The following POFUT3 variants were observed in gnomAD, a reference collection of about 807,000 sequenced individuals.
The protein encoded by POFUT3 is GDP-fucose protein O-fucosyltransferase 3.
chr8:33,401,583 C>T, the POFUT3 span, among the ~76,000 whole-genome samples: 2 of 152,126 alleles, frequency 1.3e-5, no homozygotes, highest in African/African-American at 2.4e-5. Flanking sequence ...CTGGTATTAT[C>T]CATGTAACTA....
the POFUT3 span, among the ~76,000 whole-genome samples, chr8:33,374,959 C>A: frequency 1.3e-5 from 2 of 151,718 alleles, no homozygotes; most frequent in South Asian, 4.2e-4. Flanking sequence ...CTGCAACCTG[C>A]AACCTCCACC....
At chr8:33,444,354 G>A in the POFUT3 span, among the ~76,000 whole-genome samples, 5 of 152,026 alleles carry the variant, frequency 3.3e-5, no homozygotes, top group Admixed American at 6.6e-5. Flanking sequence ...TGAGGGCTGC[G>A]AGCAGAGCAG....
the POFUT3 span, among the ~76,000 whole-genome samples, chr8:33,341,054 C>A: frequency 1.9e-4 from 29 of 152,038 alleles, no homozygotes; most frequent in Admixed American, 1.8e-3. Flanking sequence ...ATAAAACAAA[C>A]CTAAAAATTT....
the POFUT3 span, among the ~76,000 whole-genome samples, chr8:33,344,251 G>C: frequency 2.6e-5 from 4 of 152,120 alleles, no homozygotes; most frequent in African/African-American, 9.7e-5. Context: ...TTAAAAGAGG[G>C]AAAGAAGCCA....
At chr8:33,380,800 G>A in the POFUT3 span, among the ~76,000 whole-genome samples, 2 of 148,188 alleles carry the variant, frequency 1.3e-5, no homozygotes, top group Non-Finnish European at 3.0e-5. Context: ...TTGCACCACT[G>A]CACTCCAGCC....
the POFUT3 span, among the ~76,000 whole-genome samples, chr8:33,368,815 G>A: frequency 6.6e-6 from 1 of 152,186 alleles, no homozygotes; most frequent in South Asian, 2.1e-4. Context: ...GGCTGTTTGA[G>A]TCTGATTATC....
chr8:33,400,407 C>A, the POFUT3 span, among the ~76,000 whole-genome samples: 1 of 151,882 alleles, frequency 6.6e-6, no homozygotes, highest in Non-Finnish European at 1.5e-5. Context: ...GAGGCAAGAT[C>A]GCTCCACTGC....
the POFUT3 span, among the ~76,000 whole-genome samples, chr8:33,342,230 A>C: frequency 6.6e-6 from 1 of 151,106 alleles, no homozygotes; most frequent in African/African-American, 2.4e-5. Context: ...GATGGCTCAC[A>C]CCTGTGGGCT....
chr8:33,403,240 T>C, the POFUT3 span, among the ~76,000 whole-genome samples: 2 of 151,502 alleles, frequency 1.3e-5, no homozygotes, highest in Middle Eastern at 3.2e-3. Context: ...AGGATTTTTT[T>C]CCATATGTGT....
At chr8:33,367,910 C>G in the POFUT3 span, among the ~76,000 whole-genome samples, 5 of 151,976 alleles carry the variant, frequency 3.3e-5, no homozygotes, top group Admixed American at 3.3e-4. Flanking sequence ...AATTTAGAAG[C>G]TTAAATTTTC....
the POFUT3 span, among the ~76,000 whole-genome samples, chr8:33,467,596 C>CGGCT: frequency 6.6e-6 from 1 of 152,268 alleles, no homozygotes; most frequent in South Asian, 2.1e-4. Flanking sequence ...GTGCATTGCA[C>CGGCT]GGCTGGCATG....
the POFUT3 span, among the ~76,000 whole-genome samples, chr8:33,430,409 A>G: frequency 3.3e-5 from 5 of 152,150 alleles, no homozygotes; most frequent in African/African-American, 1.2e-4. Flanking sequence ...GCTTCAAACT[A>G]TGGGACAATT....
chr8:33,431,583 A>AAAAAAAAAAAAAC, the POFUT3 span, among the ~76,000 whole-genome samples: 1 of 131,724 alleles, frequency 7.6e-6, no homozygotes, highest in Non-Finnish European at 1.6e-5. Context: ...AAAAAAAAAA[A>AAAAAAAAAAAAAC]AAAGAATATC....
chr8:33,355,436 T>A, the POFUT3 span, among the ~76,000 whole-genome samples: 1 of 152,158 alleles, frequency 6.6e-6, no homozygotes, highest in Non-Finnish European at 1.5e-5. Context: ...TAAATGCTGA[T>A]CTGTTCTGAA....
chr8:33,338,295 T>C, the POFUT3 span, among the ~76,000 whole-genome samples: 1 of 152,078 alleles, frequency 6.6e-6, no homozygotes, highest in African/African-American at 2.4e-5. Flanking sequence ...CTAGATGACA[T>C]CACTGGTGAA....
chr8:33,471,019 A>G, the POFUT3 span, among the ~76,000 whole-genome samples: 1 of 152,120 alleles, frequency 6.6e-6, no homozygotes, highest in Non-Finnish European at 1.5e-5. Flanking sequence ...CTTGTTGGTA[A>G]TTCTGTATAA....
At chr8:33,347,752 G>A in the POFUT3 span, among the ~76,000 whole-genome samples, 3 of 152,154 alleles carry the variant, frequency 2.0e-5, no homozygotes, top group African/African-American at 4.8e-5. Context: ...ATATGTAAAC[G>A]GATTCTAAAA....
chr8:33,367,494 C>A, the POFUT3 span, among the ~76,000 whole-genome samples: 1 of 150,284 alleles, frequency 6.7e-6, no homozygotes, highest in South Asian at 2.2e-4. Flanking sequence ...CTGTTTGGGG[C>A]TCTCAGCTCT....
the POFUT3 span, among the ~76,000 whole-genome samples, chr8:33,318,981 ATAATACAT>A: frequency 9.6e-5 from 4 of 41,862 alleles, 1 homozygote; most frequent in African/African-American, 5.6e-4. Flanking sequence ...ATATATTTAT[ATAATACAT>A]AAATATATTT....
Sources: gnomAD v4.1 joint callset for allele counts (sites outside exome capture counted in the v4.1 genomes callset) on GRCh38, gnomAD v4.1.1 for gene constraint, MANE v1.5 for transcripts, NCBI Gene and HGNC (gene_info 2026-07-23, HGNC 2026-07-21) for gene names.